LTN1: variants seen among roughly 807,000 people sequenced by gnomAD.
LTN1 encodes listerin E3 ubiquitin protein ligase 1.
LTN1 carries 88 observed loss-of-function variants against 201.2 expected under a neutral mutation model. The ratio of observed to expected loss-of-function variants is 0.44; its 90% CI spans 0.37 to 0.52. The LOEUF is 0.52. LTN1 is among the 20% of genes least tolerant of loss of function. The pLI, the probability that LTN1 is intolerant of heterozygous loss-of-function variation, is 0.00. For missense variants in LTN1, 1,752 were observed against 2,038.7 expected (o/e 0.86, Z 2.71); for synonymous variants, 645 against 713.5 (o/e 0.90, Z 1.53).
intron 6 of LTN1, among the ~76,000 whole-genome samples, chr21:28,978,801 A>C (rs1373224688): frequency 2.0e-5 from 3 of 152,210 alleles, no homozygotes; most frequent in African/African-American, 7.2e-5. Context: ...TAAAAAGAAA[A>C]AGAGAACTCC....
intron 4 of LTN1, among the ~76,000 whole-genome samples, chr21:28,983,620 T>A (rs1005309890): frequency 3.3e-5 from 5 of 152,128 alleles, no homozygotes; most frequent in Non-Finnish European, 7.4e-5. Context: ...CAGAGCCTTG[T>A]ATGTCAAGAC....
intron 17 of LTN1, among the ~76,000 whole-genome samples, chr21:28,952,954 T>C (rs918103725): frequency 1.3e-5 from 2 of 152,222 alleles, no homozygotes; most frequent in African/African-American, 4.8e-5. Context: ...AAACAACTTC[T>C]ACAAGCTTCT....
In LTN1 at chr21:28,965,926, T is replaced by C. The variant is rs1313331445; in HGVS notation, c.2122-20A>G. 5.3e-6 allele frequency: 8 copies of C among 1,509,164 alleles called. No homozygotes were observed. Among genetic ancestry groups the C allele is most frequent in the Non-Finnish European group, 7.3e-6 (8 of 1,100,736 alleles). The allele number at this position is 1,509,164 out of a possible 1,614,324, so 93.5% of individuals were successfully genotyped here. A position where few individuals can be genotyped will look rare whatever the true frequency, so the allele number is the denominator to read the frequency against. ...GTCCACCTGAAAAAAGAAAAAGAGT[T>C]AGAAACAATCTGCTAGAACAACTTT... On this transcript the variant is annotated intron_variant, in intron 10 of 29. Coordinates refer to ENST00000361371, the MANE Select transcript of LTN1 (RefSeq NM_015565.3).
intron 16 of LTN1, among the ~76,000 whole-genome samples, chr21:28,953,981 T>C (rs776919855): frequency 6.6e-6 from 1 of 152,212 alleles, no homozygotes. Context: ...TATAAAGCCA[T>C]GTATAGCTTT....
Position 28,967,034 on chromosome 21 carries a change from A to G in LTN1, c.1457T>C (p.Val486Ala), listed in dbSNP as rs2084532023. 1 of 1,614,156 alleles carries G rather than the reference A, an allele frequency of 6.2e-7. No homozygotes were observed. The highest frequency in any genetic ancestry group is 8.5e-7 in the Non-Finnish European group (1 of 1,180,024). ...DEKTAHNLEN[V>A]LIHFWERLSE... ...CAGTCTTTCCCAGAAATGTATCAGT[A>G]CGTTCTCCAAGTTGTGAGCTGTTTT... Residue 486 changes from valine (V) to alanine (A), a missense_variant, in exon 10 of 30, where the codon GTA (valine) becomes GCA (alanine). Around this residue, in one of 3 missense-constraint regions of LTN1, gnomAD observed 1,211 missense variants for 1,312.8 expected, o/e 0.92. Transcript: ENST00000361371.
At chr21:28,970,789 C>A (rs185788103) in intron 7 of LTN1, 47 bp from the exon 8 acceptor site, 1 of 1,410,860 alleles carries the variant, frequency 7.1e-7, no homozygotes, top group East Asian at 2.4e-5. Context: ...CATAAACATA[C>A]TTTTCTCAAT....
chr21:28,938,047 AG>A (rs1171892651), intron 25 of LTN1, among the ~76,000 whole-genome samples: 1 of 152,214 alleles, frequency 6.6e-6, no homozygotes, highest in African/African-American at 2.4e-5. Flanking sequence ...ATGACAAGAA[AG>A]AAAAGAAAGG....
intron 9 of LTN1, among the ~76,000 whole-genome samples, chr21:28,968,921 CT>C (rs1420939171): frequency 4.1e-5 from 6 of 147,586 alleles, no homozygotes; most frequent in South Asian, 4.8e-4. Flanking sequence ...CTACATCTTT[CT>C]AAAACAGGGT....
intron 10 of LTN1, 57 bp from the exon 11 acceptor site, chr21:28,965,963 G>A: frequency 9.6e-7 from 1 of 1,041,524 alleles, no homozygotes; most frequent in Admixed American, 3.3e-5. Flanking sequence ...TGTTTGAGAT[G>A]GGGTTTTGTA....
chr21:28,945,788 A>T lies in LTN1; in HGVS notation c.3768+19T>A. 6.2e-7 allele frequency: 1 copy of T among 1,606,334 alleles called. No individual in the cohort carries two copies. On this transcript the variant is annotated intron_variant, in intron 21 of 29. Coordinates refer to ENST00000361371, the MANE Select transcript of LTN1 (RefSeq NM_015565.3). The stretch of plus-strand genomic sequence containing the variant: ...GTACAAAAACCCACAAGAGGTGATG[A>T]CATATCGGGTTAATTTACCTCCAAC...
At chr21:28,930,588 T>C (rs1041950749) in intron 29 of LTN1, 78 bp from the exon 30 acceptor site, 10 of 901,242 alleles carry the variant, frequency 1.1e-5, no homozygotes, top group Middle Eastern at 3.2e-4. Flanking sequence ...TACACATACA[T>C]CTATAGTAAC....
At chr21:28,956,097 T>C (rs1255516857) in intron 16 of LTN1, among the ~76,000 whole-genome samples, 1 of 151,952 alleles carries the variant, frequency 6.6e-6, no homozygotes, top group African/African-American at 2.4e-5. Flanking sequence ...AATAGTATAG[T>C]AGACTGATGG....
chr21:28,971,625 G>A (rs1427432607), intron 6 of LTN1, among the ~76,000 whole-genome samples, 181 bp from the exon 7 acceptor site: 2 of 152,148 alleles, frequency 1.3e-5, no homozygotes, highest in East Asian at 3.8e-4. Context: ...GAATTACCAA[G>A]GCAAAAGTGA....
chr21:28,962,023 A>C (rs924540339), intron 11 of LTN1, among the ~76,000 whole-genome samples: 1 of 152,160 alleles, frequency 6.6e-6, no homozygotes, highest in African/African-American at 2.4e-5. Context: ...CAAAAAAAAA[A>C]GATGATTTTA....
At chr21:28,943,600 A>G in intron 23 of LTN1, 67 bp downstream of exon 23, 2 of 1,221,834 alleles carry the variant, frequency 1.6e-6, no homozygotes, top group Admixed American at 4.0e-5. Context: ...AATTAAAAGT[A>G]AAAACTAAGC....
Position 28,970,415 on chromosome 21 carries a change from A to C in LTN1, c.1175+137T>G, listed in dbSNP as rs559145270. The C allele has an allele frequency of 1.4e-4, 91 of 653,712 alleles. No homozygotes were observed. The African/African-American group carries it at 1.6e-3, about 11-fold the overall frequency. The allele number at this position is 653,712 out of a possible 1,614,324, so 40.5% of individuals were successfully genotyped here. ...TGAACGTACTCAAGAAAAAAATATC[A>C]ATTGTAATTCTCTGAAAACTTTAAA... On this transcript the variant is annotated intron_variant, in intron 8 of 29. Transcript: ENST00000361371.
rs1300679682 is a variant in LTN1 at position 28,946,233 on chromosome 21, T to C, written c.3542A>G (p.Asp1181Gly). The C allele has an allele frequency of 2.5e-6, 4 of 1,589,420 alleles. No homozygotes were observed. In the South Asian group the frequency reaches 4.7e-5, roughly 19 times the overall value. ...FNSCLQTKSI[D>G]DGELLHGILK... ...TATTCCATGTAATAGCTCTCCATCA[T>C]CTATACTTTTGGTTTGCAGACAAGA... Residue 1181 changes from aspartate to glycine, a missense_variant, in exon 20 of 30, where the codon GAT (aspartate) becomes GGT (glycine). This residue lies in a region of LTN1 where 1,211 missense variants were observed against 1,312.8 expected (regional missense o/e 0.92). Coordinates refer to ENST00000361371, the MANE Select transcript of LTN1 (RefSeq NM_015565.3).
At chr21:28,965,832 A>C in intron 11 of LTN1, 33 bp downstream of exon 11, 2 of 530,478 alleles carry the variant, frequency 3.8e-6, no homozygotes, top group Non-Finnish European at 5.6e-6. Flanking sequence ...CCATAAATAC[A>C]AAAAAAAAAA....
At position 28,986,662 on chromosome 21, in the gene LTN1, C is replaced by G. The variant is rs2084700613; in HGVS notation, c.246+69G>C. The G allele has an allele frequency of 8.4e-7, 1 of 1,195,892 alleles. No homozygotes were observed. The highest frequency in any genetic ancestry group is 1.5e-5 in the African/African-American group (1 of 65,644). 74.1% of individuals were successfully genotyped at this position (1,195,892 alleles called of 1,614,324 possible). Reference sequence around the variant, plus strand: ...ATTGTTCATTTTTCTTTACATAAAACATGCTAATGACATTTTATTTTAACA... The same window carrying G: ...ATTGTTCATTTTTCTTTACATAAAAGATGCTAATGACATTTTATTTTAACA... On this transcript the variant is annotated intron_variant, in intron 2 of 29. Transcript: ENST00000361371. This position sits in a 1 kb window ranked among gnomAD's most constrained non-coding sequence, Gnocchi z 4.1.
Sources: gnomAD v4.1 joint callset for allele counts (sites outside exome capture counted in the v4.1 genomes callset) on GRCh38, gnomAD v4.1.1 for gene constraint, gnomAD v4.1.1 regional missense constraint, Gnocchi (gnomAD v3.1) non-coding constraint, MANE v1.5 for transcripts, NCBI Gene and HGNC (gene_info 2026-07-23, HGNC 2026-07-21) for gene names.